RBBP6: variants seen among roughly 807,000 people sequenced by gnomAD.
RBBP6 encodes E3 ubiquitin-protein ligase RBBP6.
A neutral mutation model predicts 167.7 loss-of-function variants in RBBP6; 25 were observed. That is an observed-to-expected ratio of 0.15 (90% CI 0.11 to 0.21). RBBP6 has a LOEUF of 0.21. Ranked by LOEUF, RBBP6 falls within the 10% of genes least tolerant of loss-of-function variation. RBBP6 has a pLI of 1.00. For missense variants in RBBP6, 1,868 were observed against 2,134.2 expected, an observed-to-expected ratio of 0.88 and a Z score of 2.46; for synonymous variants, 789 against 735.8, an observed-to-expected ratio of 1.07 and a Z score of -1.17.
In RBBP6 at chr16:24,555,911, A is replaced by G. The variant is rs960842871; in HGVS notation, c.528A>G (p.Thr176=). 5 of 1,584,066 alleles carry G rather than the reference A, an allele frequency of 3.2e-6. No homozygotes were observed. Among genetic ancestry groups the G allele is most frequent in the Non-Finnish European group, 4.3e-6 (5 of 1,152,856 alleles). The change falls in exon 6 of 18, where the codon ACA becomes ACG. Residue 176 remains threonine (T), a synonymous_variant. Coordinates refer to ENST00000319715, the MANE Select transcript of RBBP6 (RefSeq NM_006910.5). ...KPGHYIKNCP[T]NGDKNFESGP... ...GACATTATATTAAGAATTGCCCAACAAATGGGGTAAGTTCAAAGCAGAAAC... is the reference window on the plus strand; with the variant it reads ...GACATTATATTAAGAATTGCCCAACGAATGGGGTAAGTTCAAAGCAGAAAC...
In RBBP6 at chr16:24,562,000, A is replaced by G; in HGVS notation, c.1128A>G (p.Ser376=). 11 of 1,613,646 alleles carry G rather than the reference A, an allele frequency of 6.8e-6. No individual in the cohort carries two copies. The highest frequency in any genetic ancestry group is 1.1e-5 in the South Asian group (1 of 91,066). ...QDPLMIPVTS[S]STHPAPSISS... ...CTCTTATGATTCCAGTGACATCTTC[A>G]TCAACTCACCCAGCTCCGTCTATAT... The change falls in exon 10 of 18, where the codon TCA becomes TCG. Residue 376 remains serine (S), a synonymous_variant. Coordinates refer to ENST00000319715, the MANE Select transcript of RBBP6 (RefSeq NM_006910.5).
intron 16 of RBBP6, 87 bp downstream of exon 16, chr16:24,567,980 C>T: frequency 8.8e-7 from 1 of 1,133,708 alleles, no homozygotes; most frequent in Non-Finnish European, 1.3e-6. Flanking sequence ...GAACATTGCA[C>T]TTAGGAATTT....
intron 1 of RBBP6, among the ~76,000 whole-genome samples, chr16:24,544,005 C>A (rs764655436): frequency 5.3e-5 from 8 of 151,976 alleles, no homozygotes; most frequent in Non-Finnish European, 1.2e-4. Flanking sequence ...TCTTTATTAC[C>A]CCTAGAAAGA....
chr16:24,547,462 T>A (rs1298577429), intron 2 of RBBP6, among the ~76,000 whole-genome samples: 1 of 152,124 alleles, frequency 6.6e-6, no homozygotes, highest in East Asian at 1.9e-4. Flanking sequence ...TATTGTTTTG[T>A]TTTGTTTTGT....
intron 14 of RBBP6, among the ~76,000 whole-genome samples, chr16:24,566,254 G>C (rs1899192329): frequency 6.6e-6 from 1 of 152,174 alleles, no homozygotes; most frequent in Non-Finnish European, 1.5e-5. Flanking sequence ...AGCACCTCTA[G>C]TTTAACAGAA....
intron 3 of RBBP6, 170 bp downstream of exon 3, chr16:24,549,151 C>G: frequency 6.9e-7 from 1 of 1,453,662 alleles, no homozygotes; most frequent in Non-Finnish European, 9.0e-7. Context: ...TGTGGCATCA[C>G]TTGCACACTT....
At chr16:24,566,463 A>G (rs1899196673) in intron 14 of RBBP6, among the ~76,000 whole-genome samples, 1 of 152,170 alleles carries the variant, frequency 6.6e-6, no homozygotes, top group Non-Finnish European at 1.5e-5. Flanking sequence ...CCTTCATTTA[A>G]ACTTTTGGGG....
chr16:24,564,326 CAGGT>C (rs750425677), intron 13 of RBBP6, among the ~76,000 whole-genome samples: 8 of 152,144 alleles, frequency 5.3e-5, no homozygotes, highest in Non-Finnish European at 8.8e-5. Flanking sequence ...GATTTAGAAA[CAGGT>C]AGACTTGGGT....
chr16:24,551,140 T>C (rs1447629256), intron 3 of RBBP6, among the ~76,000 whole-genome samples: 2 of 151,542 alleles, frequency 1.3e-5, no homozygotes, highest in African/African-American at 4.8e-5. Flanking sequence ...AGAGTGGTAT[T>C]TTATAGGATT....
Position 24,571,313 on chromosome 16 carries a change from C to G in RBBP6, c.4247C>G (p.Pro1416Arg). The G allele has an allele frequency of 6.2e-7, 1 of 1,614,008 alleles. No individual in the cohort carries two copies. Reference sequence around the variant, plus strand: ...TATTCAGTGTTGGAAAAGGAGAACCCTGAAAAGAGGAAGAACAGCACTCAG... The same window carrying G: ...TATTCAGTGTTGGAAAAGGAGAACCGTGAAAAGAGGAAGAACAGCACTCAG... ...RDYSVLEKEN[P>R]EKRKNSTQPE... The change falls in exon 18 of 18, where the codon CCT becomes CGT. Residue 1416 changes from proline to arginine, a missense_variant. Physicochemically the swap from Pro to Arg is moderately radical, Grantham distance 103 (BLOSUM62 -2). Transcript: ENST00000319715.
intron 7 of RBBP6, 41 bp downstream of exon 7, chr16:24,556,488 C>T (rs769627159): frequency 6.3e-7 from 1 of 1,587,368 alleles, no homozygotes; most frequent in Non-Finnish European, 8.6e-7. Flanking sequence ...AGACTCCAGT[C>T]AGTCCCAGGG....
At chr16:24,545,862 A>G (rs1253921368) in intron 1 of RBBP6, among the ~76,000 whole-genome samples, 1 of 152,246 alleles carries the variant, frequency 6.6e-6, no homozygotes, top group African/African-American at 2.4e-5. Context: ...CTTTTTCACC[A>G]TTCACATGTT....
Position 24,540,500 on chromosome 16 carries a change from A to T in RBBP6, c.-127A>T. On this transcript the variant is annotated 5_prime_UTR_variant, in exon 1 of 18. Transcript: ENST00000319715. Reference sequence around the variant, plus strand: ...TTGTGGTTGGGGGGTATTTAATCTGAGGCCTTAGGGTCCTTCGGTGTCTTT... The same window carrying T: ...TTGTGGTTGGGGGGTATTTAATCTGTGGCCTTAGGGTCCTTCGGTGTCTTT... The T allele has an allele frequency of 1.1e-6, 1 of 905,438 alleles. No individual in the cohort carries two copies. The highest frequency in any genetic ancestry group is 1.6e-6 in the Non-Finnish European group (1 of 616,028). The allele number at this position is 905,438 out of a possible 1,614,324, so 56.1% of individuals were successfully genotyped here.
At chr16:24,554,026 C>T (rs1483679682) in intron 4 of RBBP6, 1 of 153,164 alleles carries the variant, frequency 6.5e-6, no homozygotes, top group Non-Finnish European at 1.5e-5. Context: ...ATGCTATAGA[C>T]TTGTAGTCTG....
chr16:24,564,761 G>A (rs1029881212), intron 13 of RBBP6, 36 bp from the exon 14 acceptor site: 4 of 1,605,910 alleles, frequency 2.5e-6, no homozygotes, highest in Non-Finnish European at 3.4e-6. Context: ...TACCCATGGA[G>A]AAATACTTGA....
At chr16:24,546,769 G>T (rs1033853727) in intron 2 of RBBP6, among the ~76,000 whole-genome samples, 1 of 152,202 alleles carries the variant, frequency 6.6e-6, no homozygotes, top group East Asian at 1.9e-4. Context: ...TCCATTTACT[G>T]CTTCATACCA....
At chr16:24,551,080 A>G (rs559896827) in intron 3 of RBBP6, among the ~76,000 whole-genome samples, 12 of 152,000 alleles carry the variant, frequency 7.9e-5, no homozygotes, top group African/African-American at 2.9e-4. Flanking sequence ...TTAGTCATCC[A>G]TCCATGTTGA....
At position 24,540,832 on chromosome 16, in the gene RBBP6, A is replaced by G. The variant is rs552705248; in HGVS notation, c.166+40A>G. On this transcript the variant is annotated intron_variant, in intron 1 of 17. Transcript: ENST00000319715. ...GTCTTAAGATATTTGGTGGCTGGAG[A>G]GAGATACTAGCTAGAAGGTGCCTGG... is the stretch of plus-strand genomic sequence containing the variant. The G allele has an allele frequency of 5.7e-4, 914 of 1,589,928 alleles. 9 individuals carry two copies. In the South Asian group the frequency reaches 9.8e-3, roughly 17 times the overall value.
intron 15 of RBBP6, 42 bp from the exon 16 acceptor site, chr16:24,567,750 A>G (rs1203899436): frequency 6.7e-7 from 1 of 1,496,386 alleles, no homozygotes; most frequent in Non-Finnish European, 9.2e-7. Context: ...GTTTTCTTAA[A>G]TGGTTTTTGT....
Sources: gnomAD v4.1 joint callset for allele counts (sites outside exome capture counted in the v4.1 genomes callset) on GRCh38, gnomAD v4.1.1 for gene constraint, MANE v1.5 for transcripts, NCBI Gene and HGNC (gene_info 2026-07-23, HGNC 2026-07-21) for gene names.